Variants in THADA observed in about 807,000 individuals in gnomAD.
The protein encoded by THADA is THADA armadillo repeat containing.
A neutral mutation model predicts 219.8 loss-of-function variants in THADA; 213 were observed. That is an observed-to-expected ratio of 0.97 (90% CI 0.87 to 1.09). The LOEUF is 1.09. Among genes scored for constraint, THADA ranks in the 50% least tolerant of loss-of-function variants. The pLI is 0.00. For synonymous variants in THADA, 1,018 were observed against 828.9 expected, an observed-to-expected ratio of 1.23 and a Z score of -3.92; for missense variants, 2,956 against 2,311.3, an observed-to-expected ratio of 1.28 and a Z score of -5.72.
intron 29 of THADA, among the ~76,000 whole-genome samples, chr2:43,391,522 A>C (rs1317722426): frequency 6.6e-6 from 1 of 152,240 alleles, no homozygotes; most frequent in Non-Finnish European, 1.5e-5. Context: ...ATTTTAATTA[A>C]AAATGACTTT....
chr2:43,300,242 TCTC>T (rs771724122), intron 31 of THADA, among the ~76,000 whole-genome samples: 28 of 151,836 alleles, frequency 1.8e-4, no homozygotes, highest in African/African-American at 5.8e-4. Context: ...TTCAAGCAAT[TCTC>T]CTGCCTCAGC....
chr2:43,334,879 G>A (rs1010293760), intron 30 of THADA, among the ~76,000 whole-genome samples: 1 of 152,224 alleles, frequency 6.6e-6, no homozygotes, highest in Non-Finnish European at 1.5e-5. Context: ...AGAGAGCCCT[G>A]GGGCCATGAA....
intron 8 of THADA, among the ~76,000 whole-genome samples, chr2:43,580,720 C>A (rs1344676120): frequency 1.4e-4 from 20 of 147,380 alleles, no homozygotes; most frequent in Non-Finnish European, 2.3e-4. Flanking sequence ...ATTAAAAATA[C>A]AAAAAAAAAA....
intron 1 of THADA, among the ~76,000 whole-genome samples, chr2:43,593,886 G>A (rs1701856401): frequency 6.6e-6 from 1 of 152,030 alleles, no homozygotes; most frequent in Non-Finnish European, 1.5e-5. Flanking sequence ...ACCCACCTCG[G>A]CCCCCCAAAG....
chr2:43,379,045 A>G (rs959759518), intron 29 of THADA, among the ~76,000 whole-genome samples: 1 of 152,220 alleles, frequency 6.6e-6, no homozygotes, highest in Non-Finnish European at 1.5e-5. Flanking sequence ...GAACAGAGAA[A>G]TTGGTTAAAT....
intron 26 of THADA, among the ~76,000 whole-genome samples, chr2:43,477,208 T>C (rs1255125720): frequency 6.6e-6 from 1 of 151,656 alleles, no homozygotes; most frequent in African/African-American, 2.4e-5. Context: ...TTCCCCAAAC[T>C]GTTGGATGGA....
intron 26 of THADA, among the ~76,000 whole-genome samples, chr2:43,434,105 C>T (rs758802275): frequency 5.3e-5 from 8 of 152,112 alleles, no homozygotes; most frequent in Non-Finnish European, 7.4e-5. Flanking sequence ...TAAAAAAAAC[C>T]ATAACACTCA....
intron 26 of THADA, among the ~76,000 whole-genome samples, chr2:43,483,670 T>G (rs1388719194): frequency 6.6e-6 from 1 of 151,978 alleles, no homozygotes; most frequent in Non-Finnish European, 1.5e-5. Context: ...AATTGTATAG[T>G]ATCACTGCCC....
At position 43,549,330 on chromosome 2, in the gene THADA, G is replaced by A. The variant is rs1430750037; in HGVS notation, c.2986C>T (p.Gln996Ter). ...AAATAATCATTAGTATCTCGAGGCT[G>A]AATCTCATTCAGAATCATCTGTAAG... ...SRLQMILNEI[Q>*]PRDTNDYFNQ... Residue 996 changes from glutamine to a stop codon, truncating the protein, a stop_gained, in exon 20 of 38, where the codon CAG becomes TAG. Coordinates refer to ENST00000405975, the MANE Select transcript of THADA (RefSeq NM_022065.5). LOFTEE classifies it high-confidence loss of function. 6.2e-7 allele frequency: 1 copy of A among 1,603,628 alleles called. No homozygotes were observed. The highest frequency in any genetic ancestry group is 1.7e-5 in the Admixed American group (1 of 57,910).
chr2:43,532,551 C>T (rs999759378), intron 21 of THADA, among the ~76,000 whole-genome samples: 1 of 151,878 alleles, frequency 6.6e-6, no homozygotes, highest in African/African-American at 2.4e-5. Context: ...AAATTCAATA[C>T]CCCTTCATGC....
intron 29 of THADA, among the ~76,000 whole-genome samples, chr2:43,363,206 G>C (rs534675593): frequency 3.9e-4 from 60 of 152,148 alleles, no homozygotes; most frequent in Non-Finnish European, 7.2e-4. Flanking sequence ...TCATTATCGA[G>C]TATTATGTGT....
At chr2:43,393,497 C>G (rs778106025) in intron 29 of THADA, among the ~76,000 whole-genome samples, 3 of 152,136 alleles carry the variant, frequency 2.0e-5, no homozygotes, top group African/African-American at 4.8e-5. Flanking sequence ...CACTTGAAGT[C>G]AGGAGTTCAA....
At chr2:43,495,021 G>C (rs970166029) in intron 25 of THADA, among the ~76,000 whole-genome samples, 1 of 152,188 alleles carries the variant, frequency 6.6e-6, no homozygotes, top group African/African-American at 2.4e-5. Flanking sequence ...GATGTAGCCA[G>C]CTTTAGGCAC....
chr2:43,293,054 T>C lies in THADA; in HGVS notation c.4598A>G (p.Lys1533Arg), dbSNP rs750653209. 3.7e-6 allele frequency: 6 copies of C among 1,613,950 alleles called. No individual in the cohort carries two copies. Among genetic ancestry groups the C allele is most frequent in the Non-Finnish European group, 5.1e-6 (6 of 1,179,884 alleles). Residue 1533 changes from lysine to arginine, a missense_variant, in exon 32 of 38, where the codon AAG becomes AGG. By Grantham distance (26) the Lys-to-Arg change is conservative. Coordinates refer to ENST00000405975, the MANE Select transcript of THADA (RefSeq NM_022065.5). ...AIAAVWAAAAKSGERETNVPI... is the reference protein window; with the variant it reads ...AIAAVWAAAARSGERETNVPI... ...GACATTCGTCTCCCGCTCTCCACTC[T>C]TGGCTGCCGCGGCCCACACTGCAGC...
chr2:43,248,527 C>T lies in THADA; in HGVS notation c.5297-15645G>A, dbSNP rs1434003105. On this transcript the variant is annotated intron_variant, in intron 36 of 37. Transcript: ENST00000405975. Reference sequence around the variant, plus strand: ...GATTATAGGCATGAGCCACCACGCTCGCTCAGTAAAGAAAATTGATTAAGG... The same window carrying T: ...GATTATAGGCATGAGCCACCACGCTTGCTCAGTAAAGAAAATTGATTAAGG... Among the ~76,000 whole-genome samples the T allele has an allele frequency of 5.9e-5, 9 of 152,098 alleles. No homozygotes were observed. The East Asian group carries it at 7.7e-4, about 13-fold the overall frequency.
intron 29 of THADA, among the ~76,000 whole-genome samples, chr2:43,359,339 T>C (rs1669228985): frequency 6.6e-6 from 1 of 152,200 alleles, no homozygotes; most frequent in African/African-American, 2.4e-5. Flanking sequence ...AAGGGGCCTG[T>C]GATATCAGTC....
intron 22 of THADA, among the ~76,000 whole-genome samples, chr2:43,516,219 C>A (rs761331616): frequency 3.3e-5 from 5 of 152,160 alleles, no homozygotes; most frequent in African/African-American, 4.8e-5. Context: ...ATTATCAACA[C>A]AGAAGTAAGA....
rs181361551 is a variant in THADA, at chr2:43,443,666, G to A, written c.3837-13364C>T. Among the ~76,000 whole-genome samples the A allele has an allele frequency of 5.9e-5, 9 of 152,342 alleles. 1 individual carries two copies. The East Asian group carries it at 1.7e-3, about 29-fold the overall frequency. Reference sequence around the variant, plus strand: ...AGAAAAAAGGAGACCACTAAAAATTGTGAATGGGATAAAACAGACAGGTGA... The same window carrying A: ...AGAAAAAAGGAGACCACTAAAAATTATGAATGGGATAAAACAGACAGGTGA... On this transcript the variant is annotated intron_variant, in intron 26 of 37. Coordinates refer to ENST00000405975, the MANE Select transcript of THADA (RefSeq NM_022065.5).
At chr2:43,452,309 C>T (rs917067673) in intron 26 of THADA, among the ~76,000 whole-genome samples, 1 of 151,718 alleles carries the variant, frequency 6.6e-6, no homozygotes, top group African/African-American at 2.4e-5. Context: ...GCCAATAGTC[C>T]CATATTTCAA....
Sources: gnomAD v4.1 joint callset for allele counts (sites outside exome capture counted in the v4.1 genomes callset) on GRCh38, gnomAD v4.1.1 for gene constraint, MANE v1.5 for transcripts, NCBI Gene and HGNC (gene_info 2026-07-23, HGNC 2026-07-21) for gene names.